Variants in RASGEF1C observed in about 807,000 individuals in gnomAD.
The protein encoded by RASGEF1C is RasGEF domain family member 1C, also known as ras-GEF domain-containing family member 1C.
In RASGEF1C, 27 loss-of-function variants were observed where a neutral mutation model predicts 58.1. The observed-to-expected ratio is 0.46, with a 90% confidence interval of 0.34 to 0.64. The LOEUF (loss-of-function observed/expected upper bound fraction) is 0.64, where lower values mean the gene tolerates loss of function less well. RASGEF1C is among the 30% of genes least tolerant of loss of function. RASGEF1C has a pLI of 0.01. For synonymous variants in RASGEF1C, 243 were observed against 246.3 expected (o/e 0.99, Z 0.13); for missense variants, 502 against 605.1 (o/e 0.83, Z 1.79).
At chr5:180,114,012 G>A (rs1479413923) in intron 11 of RASGEF1C, among the ~76,000 whole-genome samples, 1 of 152,108 alleles carries the variant, frequency 6.6e-6, no homozygotes, top group Non-Finnish European at 1.5e-5. Flanking sequence ...TCTACAGAGG[G>A]AGCAGAATTC....
chr5:180,186,101 GAA>G (rs35778456), intron 1 of RASGEF1C, among the ~76,000 whole-genome samples: 900 of 81,174 alleles, frequency 0.011, 2 homozygotes, highest in African/African-American at 0.034. Context: ...TATCTCCACA[GAA>G]AAAAAAAAAA....
At chr5:180,193,351 G>A (rs1172558509) in intron 1 of RASGEF1C, among the ~76,000 whole-genome samples, 3 of 152,260 alleles carry the variant, frequency 2.0e-5, no homozygotes, top group Non-Finnish European at 4.4e-5. Context: ...CACCGTGCCC[G>A]GCCTAAAATA....
intron 10 of RASGEF1C, among the ~76,000 whole-genome samples, chr5:180,114,940 C>T (rs1027523841): frequency 5.9e-5 from 9 of 152,186 alleles, no homozygotes; most frequent in Admixed American, 2.0e-4. Flanking sequence ...TTGTGGGCAC[C>T]GGGAGGTGCA....
intron 1 of RASGEF1C, among the ~76,000 whole-genome samples, chr5:180,206,888 C>T (rs1033088274): frequency 2.6e-5 from 4 of 152,264 alleles, no homozygotes; most frequent in Admixed American, 6.5e-5. Context: ...CAGAAAGAGA[C>T]ACAGGAAGGA....
intron 1 of RASGEF1C, among the ~76,000 whole-genome samples, chr5:180,208,224 G>A (rs59869821): frequency 0.31 from 46,397 of 151,844 alleles, 7,377 homozygotes; most frequent in East Asian, 0.5. Context: ...GAGCTTCCCA[G>A]GACTCTTCTC....
intron 4 of RASGEF1C, among the ~76,000 whole-genome samples, chr5:180,132,191 C>A (rs1766381399): frequency 6.6e-6 from 1 of 152,248 alleles, no homozygotes; most frequent in African/African-American, 2.4e-5. Context: ...CTGCCTCGGG[C>A]TGAAGCCCTC....
chr5:180,177,990 G>A lies in RASGEF1C; in HGVS notation c.-7+31038C>T, dbSNP rs1490157213. ...CTTTTTTTTTTTTTCTTTTTGAGGT[G>A]GAGTCTCGCTCTGTTGCCCAGGCTG... On this transcript the variant is annotated intron_variant, in intron 1 of 13. Transcript: ENST00000361132. The surrounding 1 kb of genome is among the most constrained non-coding windows in gnomAD (Gnocchi z 5.0). 6.6e-6 allele frequency among the ~76,000 whole-genome samples: 1 copy of A among 151,190 alleles called. No homozygotes were observed. Among genetic ancestry groups the A allele is most frequent in the African/African-American group, 2.4e-5 (1 of 41,122 alleles).
intron 3 of RASGEF1C, chr5:180,136,911 GC>G: frequency 4.9e-6 from 1 of 202,714 alleles, no homozygotes; most frequent in Admixed American, 5.4e-5. Context: ...CCTAGGATAC[GC>G]CAATGAGGAG....
At chr5:180,119,492 C>T (rs1003452576) in intron 7 of RASGEF1C, 44 bp from the exon 8 acceptor site, 5 of 1,497,934 alleles carry the variant, frequency 3.3e-6, no homozygotes, top group Non-Finnish European at 3.7e-6. Flanking sequence ...ACGCCTCCAC[C>T]CTGCCCTGAT....
At chr5:180,171,001 C>T (rs1472314462) in intron 1 of RASGEF1C, among the ~76,000 whole-genome samples, 1 of 152,178 alleles carries the variant, frequency 6.6e-6, no homozygotes, top group African/African-American at 2.4e-5. Context: ...GGCCCTGAAT[C>T]CCAGAGAGCA....
At chr5:180,161,580 C>A (rs527857341) in intron 1 of RASGEF1C, among the ~76,000 whole-genome samples, 13 of 152,236 alleles carry the variant, frequency 8.5e-5, no homozygotes, top group Non-Finnish European at 1.9e-4. Context: ...GATGTCTGCA[C>A]TGACTGGGAT....
At chr5:180,166,221 G>A (rs1015756492) in intron 1 of RASGEF1C, among the ~76,000 whole-genome samples, 3 of 152,130 alleles carry the variant, frequency 2.0e-5, no homozygotes, top group African/African-American at 7.2e-5. Context: ...TGTTTATACT[G>A]TAGGTCTGCA....
chr5:180,153,792 A>T (rs1581110515), intron 1 of RASGEF1C, among the ~76,000 whole-genome samples: 1 of 145,738 alleles, frequency 6.9e-6, no homozygotes, highest in East Asian at 2.2e-4. Flanking sequence ...AATGCATTGG[A>T]CAGAACTTGC....
chr5:180,110,953 T>C (rs1285832510), intron 12 of RASGEF1C, among the ~76,000 whole-genome samples: 1 of 152,090 alleles, frequency 6.6e-6, no homozygotes, highest in Non-Finnish European at 1.5e-5. Context: ...GTAGCTGGGA[T>C]TACAGGTAGG....
At chr5:180,207,730 C>G (rs573957390) in intron 1 of RASGEF1C, among the ~76,000 whole-genome samples, 1 of 152,296 alleles carries the variant, frequency 6.6e-6, no homozygotes, top group East Asian at 1.9e-4. Flanking sequence ...CCCAGGACGT[C>G]CAGACCCTGT....
intron 1 of RASGEF1C, among the ~76,000 whole-genome samples, chr5:180,140,855 C>T (rs904959111): frequency 2.0e-5 from 3 of 152,114 alleles, no homozygotes; most frequent in Non-Finnish European, 4.4e-5. Flanking sequence ...AGAGGCTCGG[C>T]GGAGCGGGGG....
intron 1 of RASGEF1C, among the ~76,000 whole-genome samples, chr5:180,195,693 C>T (rs534712707): frequency 0.011 from 1,709 of 149,458 alleles, 20 homozygotes; most frequent in Non-Finnish European, 0.017. Context: ...ACCCGGGAGG[C>T]GGAGCTTGCA....
At chr5:180,189,470 C>A (rs1480442449) in intron 1 of RASGEF1C, among the ~76,000 whole-genome samples, 2 of 152,176 alleles carry the variant, frequency 1.3e-5, no homozygotes, top group African/African-American at 4.8e-5. Context: ...GTCTTCAAGA[C>A]TTATTTAAAG....
chr5:180,125,508 C>A (rs185203319), intron 6 of RASGEF1C, among the ~76,000 whole-genome samples: 2 of 152,290 alleles, frequency 1.3e-5, no homozygotes, highest in African/African-American at 4.8e-5. Flanking sequence ...TCAGGCCGGG[C>A]GTGGTGGTTC....
Sources: allele counts gnomAD v4.1 joint callset (sites outside exome capture counted in the v4.1 genomes callset), GRCh38; gene constraint gnomAD v4.1.1; non-coding constraint Gnocchi (gnomAD v3.1); transcripts MANE v1.5; gene names NCBI Gene and HGNC (gene_info 2026-07-23, HGNC 2026-07-21).